The following RICTOR variants were observed in gnomAD, a reference collection of about 807,000 sequenced individuals.
RICTOR encodes rapamycin-insensitive companion of mTOR.
Under a neutral mutation model 214.9 loss-of-function variants are expected in RICTOR, and 49 were observed. That is an observed-to-expected ratio of 0.23 (90% confidence interval 0.18 to 0.29). RICTOR has a LOEUF of 0.29. RICTOR is among the 10% of genes least tolerant of loss of function. RICTOR has a pLI of 1.00. For synonymous variants in RICTOR, 717 were observed against 711.3 expected (o/e 1.01, Z -0.13); for missense variants, 1,625 against 2,047.0 (o/e 0.79, Z 3.98).
intron 28 of RICTOR, 59 bp downstream of exon 28, chr5:38,953,401 GA>G (rs973396917): frequency 5.6e-5 from 39 of 697,044 alleles, no homozygotes; most frequent in South Asian, 1.7e-4. Context: ...TAGTATAAAT[GA>G]AAAAAAAACT....
intron 16 of RICTOR, among the ~76,000 whole-genome samples, chr5:38,964,109 G>A (rs1390651032): frequency 1.3e-5 from 2 of 151,696 alleles, no homozygotes; most frequent in Non-Finnish European, 3.0e-5. Flanking sequence ...AATCGTCCAT[G>A]TATGTTTTTG....
At chr5:38,999,146 T>C (rs978344749) in intron 5 of RICTOR, among the ~76,000 whole-genome samples, 6 of 150,662 alleles carry the variant, frequency 4.0e-5, no homozygotes, top group African/African-American at 1.2e-4. Flanking sequence ...AACAGGTAAG[T>C]AGAAACTAAG....
intron 16 of RICTOR, among the ~76,000 whole-genome samples, chr5:38,963,607 T>C (rs1749974295): frequency 6.6e-6 from 1 of 151,972 alleles, no homozygotes; most frequent in Non-Finnish European, 1.5e-5. Context: ...ACCTTCAGAA[T>C]TTCTAGTAAG....
At position 38,958,648 on chromosome 5, in the gene RICTOR, A is replaced by G. The variant is rs6868087; in HGVS notation, c.2343+19T>C. The G allele has an allele frequency of 0.39, 616,525 of 1,562,706 alleles. 123,184 individuals carry two copies. Among genetic ancestry groups the G allele is most frequent in the Admixed American group, 0.49 (25,331 of 52,106 alleles). On this transcript the variant is annotated intron_variant, in intron 23 of 37. Transcript: ENST00000357387. ...TTCAAAAAAATTTAAGTATTAAATT[A>G]TAAAAAATGAACCTTTACCTTGTCT...
chr5:39,041,940 C>T (rs980994128), intron 2 of RICTOR, among the ~76,000 whole-genome samples: 3 of 84,616 alleles, frequency 3.5e-5, no homozygotes, highest in African/African-American at 1.2e-4. Flanking sequence ...GACCCTGTTT[C>T]AAAAAAAAAA....
At chr5:39,011,026 G>A (rs1161891798) in intron 3 of RICTOR, among the ~76,000 whole-genome samples, 1 of 152,168 alleles carries the variant, frequency 6.6e-6, no homozygotes, top group East Asian at 1.9e-4. Flanking sequence ...AGACAATAGG[G>A]AAAAATGTCT....
intron 5 of RICTOR, 61 bp downstream of exon 5, chr5:39,002,470 TGGCA>T (rs1446007973): frequency 2.9e-6 from 3 of 1,040,420 alleles, no homozygotes; most frequent in Non-Finnish European, 4.4e-6. Flanking sequence ...ATACACTTTA[TGGCA>T]GGCATGCTAA....
In RICTOR at chr5:38,954,853, C is replaced by T. The variant is rs111974076; in HGVS notation, c.2618G>A (p.Arg873His). 9.5e-5 allele frequency: 148 copies of T among 1,558,438 alleles called. No individual in the cohort carries two copies. The highest frequency in any genetic ancestry group is 1.1e-4 in the East Asian group (5 of 44,434). The part of the protein sequence containing the change: ...YVRRSNQRLQ[R>H]PHVYLPIHLY... The stretch of plus-strand genomic sequence containing the variant: ...GTGTATAGGCAGGTAGACGTGAGGA[C>T]GCTGTAATCTAGTATAATAAAGATG... The change falls in exon 27 of 38, where the codon CGT becomes CAT. Residue 873 changes from arginine to histidine, a missense_variant. Transcript: ENST00000357387.
At chr5:39,051,856 A>G (rs1472186464) in intron 2 of RICTOR, among the ~76,000 whole-genome samples, 1 of 152,210 alleles carries the variant, frequency 6.6e-6, no homozygotes, top group Non-Finnish European at 1.5e-5. Context: ...GTGATATGCT[A>G]ATTTTCTAAA....
At chr5:39,057,837 A>C (rs1758299220) in intron 2 of RICTOR, among the ~76,000 whole-genome samples, 1 of 152,116 alleles carries the variant, frequency 6.6e-6, no homozygotes, top group African/African-American at 2.4e-5. Context: ...TGTATGTATA[A>C]AAATTTAATA....
Position 39,014,608 on chromosome 5 carries a change from G to A in RICTOR, c.195+6431C>T, listed in dbSNP as rs192447969. Among the ~76,000 whole-genome samples the A allele has an allele frequency of 1.1e-3, 174 of 152,008 alleles. 1 individual carries two copies. Among genetic ancestry groups the A allele is most frequent in the Non-Finnish European group, 8.8e-5 (6 of 67,922 alleles). ...AAAAGAGAACTTTTAAGATATAAAC[G>A]AGCTAAAATATTTTCATCTTTAAAA... On this transcript the variant is annotated intron_variant, in intron 3 of 37. Transcript: ENST00000357387.
intron 30 of RICTOR, among the ~76,000 whole-genome samples, 176 bp from the exon 31 acceptor site, chr5:38,950,896 G>C (rs1383979706): frequency 6.6e-6 from 1 of 151,772 alleles, no homozygotes; most frequent in African/African-American, 2.4e-5. Context: ...CCAGAGTTTG[G>C]ACTTGAATAA....
intron 10 of RICTOR, among the ~76,000 whole-genome samples, chr5:38,973,217 CAA>C (rs1213606239): frequency 6.6e-6 from 1 of 152,060 alleles, no homozygotes; most frequent in East Asian, 1.9e-4. Context: ...CAAAACGCAT[CAA>C]ACAGTAGACT....
intron 2 of RICTOR, among the ~76,000 whole-genome samples, chr5:39,042,070 A>G (rs1485366413): frequency 1.3e-5 from 2 of 152,128 alleles, no homozygotes; most frequent in Non-Finnish European, 2.9e-5. Context: ...TACCAATTCC[A>G]GGGTCAAGTG....
intron 8 of RICTOR, among the ~76,000 whole-genome samples, chr5:38,980,413 A>ATT (rs1276293498): frequency 6.6e-6 from 1 of 152,230 alleles, no homozygotes; most frequent in East Asian, 1.9e-4. Flanking sequence ...TGATCACCTT[A>ATT]TTCTAACGTC....
Position 38,941,322 on chromosome 5 carries a change from A to G in RICTOR, c.*982T>C, listed in dbSNP as rs558753684. Reference sequence around the variant, plus strand: ...ATTTTTCTCAATAACAAGCTTTATTAATGTTTTTTTTAAGGAAATATGGCT... The same window carrying G: ...ATTTTTCTCAATAACAAGCTTTATTGATGTTTTTTTTAAGGAAATATGGCT... On this transcript the variant is annotated 3_prime_UTR_variant, in exon 38 of 38. Transcript: ENST00000357387. 4.8e-6 allele frequency: 1 copy of G among 207,674 alleles called. No homozygotes were observed. Among genetic ancestry groups the G allele is most frequent in the African/African-American group, 2.4e-5 (1 of 40,944 alleles). 12.9% of individuals were successfully genotyped at this position (207,674 alleles called of 1,614,324 possible).
intron 8 of RICTOR, among the ~76,000 whole-genome samples, chr5:38,979,381 T>A (rs1235884261): frequency 6.6e-6 from 1 of 152,210 alleles, no homozygotes; most frequent in Non-Finnish European, 1.5e-5. Context: ...CTAAATATAA[T>A]TTAAAACATA....
intron 2 of RICTOR, among the ~76,000 whole-genome samples, chr5:39,061,940 G>GTTAA (rs1487094038): frequency 1.3e-5 from 2 of 151,890 alleles, no homozygotes; most frequent in Non-Finnish European, 2.9e-5. Flanking sequence ...GAAAGACAAT[G>GTTAA]TTAAGGTTTT....
chr5:38,970,617 ACCTCCAGG>A (rs1750699202), intron 11 of RICTOR: 1 of 152,178 alleles, frequency 6.6e-6, no homozygotes, highest in Non-Finnish European at 1.5e-5. Context: ...AATATTTTTC[ACCTCCAGG>A]TTTGGTTCAT....
Sources: allele counts gnomAD v4.1 joint callset (sites outside exome capture counted in the v4.1 genomes callset), GRCh38; gene constraint gnomAD v4.1.1; transcripts MANE v1.5; gene names NCBI Gene and HGNC (gene_info 2026-07-23, HGNC 2026-07-21).